The following TBL1Y variants were observed in gnomAD, a reference collection of about 807,000 sequenced individuals.
TBL1Y encodes F-box-like/WD repeat-containing protein TBL1Y.
A neutral mutation model predicts 12.0 loss-of-function variants in TBL1Y; 15 were observed. The observed-to-expected ratio is 1.25, with a 90% CI of 0.83 to 1.92. The LOEUF (loss-of-function observed/expected upper bound fraction) is 1.92. TBL1Y is among the 40% of genes most tolerant of loss of function. The pLI, the probability that TBL1Y is intolerant of heterozygous loss-of-function variation, is 0.00. For missense variants in TBL1Y, 148 were observed against 116.7 expected (o/e 1.27, Z -1.24); for synonymous variants, 53 against 42.6 (o/e 1.24, Z -0.95).
chrY:7,049,403 G>T (rs2012782150), intron 7 of TBL1Y, among the ~76,000 whole-genome samples: 1 of 33,370 alleles, frequency 3.0e-5, no homozygotes, highest in African/African-American at 1.2e-4. Context: ...CCCAGTAATG[G>T]GATCACTGGG....
intron 14 of TBL1Y, among the ~76,000 whole-genome samples, chrY:7,083,547 A>G: frequency 3.6e-5 from 1 of 27,571 alleles, no homozygotes; most frequent in Non-Finnish European, 8.6e-5. Context: ...CAGCACAAAC[A>G]TTCATGCTCA....
intron 7 of TBL1Y, among the ~76,000 whole-genome samples, chrY:7,048,894 T>TA: frequency 3.0e-5 from 1 of 33,898 alleles, no homozygotes; most frequent in Middle Eastern, 0.014. Context: ...TTTTTTTTTT[T>TA]ATCATACTTT....
chrY:7,043,251 G>C, intron 7 of TBL1Y, 126 bp downstream of exon 7: 1 of 213,871 alleles, frequency 4.7e-6, no homozygotes, highest in Non-Finnish European at 7.6e-6. Flanking sequence ...GCAGGGTGCA[G>C]TGGCTCATAC....
intron 4 of TBL1Y, among the ~76,000 whole-genome samples, chrY:7,016,414 A>G: frequency 3.1e-5 from 1 of 32,428 alleles, no homozygotes; most frequent in East Asian, 8.2e-4. Context: ...GTAGTAAAAT[A>G]CAGAAATGTG....
intron 2 of TBL1Y, among the ~76,000 whole-genome samples, 184 bp from the exon 3 acceptor site, chrY:6,978,029 G>A: frequency 3.0e-5 from 1 of 33,895 alleles, no homozygotes; most frequent in African/African-American, 1.2e-4. Flanking sequence ...TGGTTGATAC[G>A]TGTGCAGCTG....
chrY:6,990,672 C>T (rs767980742), intron 3 of TBL1Y, among the ~76,000 whole-genome samples: 1 of 28,389 alleles, frequency 3.5e-5, no homozygotes, highest in South Asian at 8.9e-4. Context: ...CATTCTCCTG[C>T]CTCAGCCTCC....
chrY:6,975,323 TTCTG>T (rs2012230867), intron 2 of TBL1Y, among the ~76,000 whole-genome samples: 1 of 33,616 alleles, frequency 3.0e-5, no homozygotes, highest in African/African-American at 1.2e-4. Context: ...TGATTGCAGG[TTCTG>T]TCTGATTGCA....
intron 2 of TBL1Y, among the ~76,000 whole-genome samples, chrY:6,923,840 A>G (rs2011802110): frequency 6.0e-5 from 2 of 33,382 alleles, no homozygotes; most frequent in Non-Finnish European, 1.5e-4. Context: ...TTACTTATCT[A>G]TTTTTAGAGA....
chrY:7,086,983 A>G (rs2013142108), intron 16 of TBL1Y, among the ~76,000 whole-genome samples: 41 of 26,245 alleles, frequency 1.6e-3, no homozygotes, highest in African/African-American at 6.0e-3. Flanking sequence ...TATATCTTAT[A>G]TATTATATAT....
chrY:7,049,195 A>G (rs2012780172), intron 7 of TBL1Y, among the ~76,000 whole-genome samples: 1 of 33,295 alleles, frequency 3.0e-5, no homozygotes, highest in Non-Finnish European at 7.4e-5. Flanking sequence ...CCCTGTCCCT[A>G]CAAAGGACAT....
intron 14 of TBL1Y, among the ~76,000 whole-genome samples, chrY:7,082,557 T>C: frequency 3.0e-5 from 1 of 33,555 alleles, no homozygotes. Context: ...CCTGGAACAG[T>C]CCCTGACTTA....
intron 7 of TBL1Y, among the ~76,000 whole-genome samples, chrY:7,063,150 C>A (rs2012898968): frequency 3.0e-5 from 1 of 33,437 alleles, no homozygotes; most frequent in Admixed American, 2.7e-4. Flanking sequence ...GAGACAGTCC[C>A]CAGTGGGGAA....
chrY:7,040,856 G>T, intron 6 of TBL1Y, among the ~76,000 whole-genome samples: 1 of 34,371 alleles, frequency 2.9e-5, no homozygotes, highest in East Asian at 7.7e-4. Flanking sequence ...AGGTTTGGTT[G>T]AAGATGGTAA....
intron 2 of TBL1Y, chrY:6,919,046 G>A (rs746840193): frequency 3.3e-5 from 1 of 30,420 alleles, no homozygotes; most frequent in African/African-American, 1.3e-4. Context: ...CACCATGCCC[G>A]GCTAATTTTT....
At chrY:7,063,079 G>C in intron 7 of TBL1Y, among the ~76,000 whole-genome samples, 4 of 32,715 alleles carry the variant, frequency 1.2e-4, no homozygotes, top group Admixed American at 2.8e-4. Flanking sequence ...GGTGGGTTCT[G>C]ATTTTTCACC....
intron 3 of TBL1Y, among the ~76,000 whole-genome samples, chrY:6,990,378 C>T: frequency 6.1e-5 from 2 of 32,550 alleles, no homozygotes; most frequent in Admixed American, 2.8e-4. Context: ...CTTTGCCAGG[C>T]GTGAGCCTAG....
intron 2 of TBL1Y, among the ~76,000 whole-genome samples, chrY:6,934,318 C>T: frequency 3.1e-5 from 1 of 32,665 alleles, no homozygotes. Context: ...GCCTTTTTCT[C>T]CTTCTCCCCT....
intron 2 of TBL1Y, among the ~76,000 whole-genome samples, chrY:6,924,637 T>G: frequency 3.2e-5 from 1 of 31,256 alleles, no homozygotes; most frequent in African/African-American, 1.2e-4. Context: ...TGAGTGGAGT[T>G]CTGTCATCAG....
At chrY:6,913,691 G>T (rs1251161408) in intron 2 of TBL1Y, among the ~76,000 whole-genome samples, 1 of 31,212 alleles carries the variant, frequency 3.2e-5, no homozygotes, top group Non-Finnish European at 7.6e-5. Context: ...GTGTTACTTT[G>T]CTTTTCTATC....
Sources: gnomAD v4.1 joint callset for allele counts (sites outside exome capture counted in the v4.1 genomes callset) on GRCh38, gnomAD v4.1.1 for gene constraint, MANE v1.5 for transcripts, NCBI Gene and HGNC (gene_info 2026-07-23, HGNC 2026-07-21) for gene names.